The following ASTN2 variants were observed in gnomAD, a reference collection of about 807,000 sequenced individuals.
The protein encoded by ASTN2 is astrotactin 2.
A neutral mutation model predicts 139.8 loss-of-function variants in ASTN2; 54 were observed. The ratio of observed to expected loss-of-function variants is 0.39; its 90% confidence interval spans 0.31 to 0.48. The LOEUF (loss-of-function observed/expected upper bound fraction) is 0.48, where lower values mean the gene tolerates loss of function less well. Ranked by LOEUF, ASTN2 falls within the 20% of genes least tolerant of loss-of-function variation. The pLI is 0.95. For missense variants in ASTN2, 1,565 were observed against 1,725.1 expected, an observed-to-expected ratio of 0.91 and a Z score of 1.64; for synonymous variants, 756 against 719.5, an observed-to-expected ratio of 1.05 and a Z score of -0.81.
chr9:117,075,347 C>T (rs962167149), intron 5 of ASTN2, among the ~76,000 whole-genome samples: 12 of 152,114 alleles, frequency 7.9e-5, no homozygotes, highest in Admixed American at 6.5e-4. Flanking sequence ...CCAAGGCTGG[C>T]GGCCCAGGCT....
intron 17 of ASTN2, among the ~76,000 whole-genome samples, chr9:116,623,773 A>G (rs1303160426): frequency 6.6e-6 from 1 of 152,162 alleles, no homozygotes; most frequent in Admixed American, 6.5e-5. Flanking sequence ...AGGAGCAGGG[A>G]GGGACTTGAA....
intron 3 of ASTN2, among the ~76,000 whole-genome samples, chr9:117,196,786 A>G (rs781764277): frequency 2.0e-5 from 3 of 152,218 alleles, no homozygotes; most frequent in Admixed American, 6.5e-5. Context: ...AAAATTATGC[A>G]TATAAAATGA....
intron 10 of ASTN2, among the ~76,000 whole-genome samples, chr9:116,902,527 TA>T (rs1834039169): frequency 6.6e-6 from 1 of 152,154 alleles, no homozygotes; most frequent in African/African-American, 2.4e-5. Context: ...CAGTATTCAG[TA>T]CAGCAATTTG....
chr9:116,592,955 T>C (rs150974998), intron 19 of ASTN2, among the ~76,000 whole-genome samples: 193 of 152,326 alleles, frequency 1.3e-3, no homozygotes, highest in Middle Eastern at 6.8e-3. Context: ...CAGAATGTCA[T>C]GGTCTAAAAT....
At chr9:116,701,303 T>G (rs986750834) in intron 16 of ASTN2, 4 of 166,796 alleles carry the variant, frequency 2.4e-5, no homozygotes, top group Non-Finnish European at 4.4e-5. Flanking sequence ...TGAACTAGTT[T>G]GTCTTGTTCT....
At chr9:116,540,513 T>C (rs973867096) in intron 19 of ASTN2, 1 of 152,220 alleles carries the variant, frequency 6.6e-6, no homozygotes, top group African/African-American at 2.4e-5. Flanking sequence ...CAAAATGTGT[T>C]CACCACGGCA....
At chr9:116,950,549 G>T (rs1384453920) in intron 10 of ASTN2, among the ~76,000 whole-genome samples, 1 of 152,102 alleles carries the variant, frequency 6.6e-6, no homozygotes, top group Non-Finnish European at 1.5e-5. Flanking sequence ...TTTAAATACT[G>T]AAAGAACATA....
At chr9:117,215,715 C>T (rs904115905) in intron 2 of ASTN2, among the ~76,000 whole-genome samples, 4 of 152,088 alleles carry the variant, frequency 2.6e-5, no homozygotes, top group Non-Finnish European at 4.4e-5. Flanking sequence ...ATTCTCCAGG[C>T]CTCCCCTCAA....
intron 3 of ASTN2, among the ~76,000 whole-genome samples, chr9:117,185,934 T>A (rs987468876): frequency 6.6e-6 from 1 of 152,148 alleles, no homozygotes; most frequent in African/African-American, 2.4e-5. Flanking sequence ...CTGAGACTGT[T>A]TCTGATCATA....
At chr9:117,405,338 G>T (rs1830952529) in intron 1 of ASTN2, among the ~76,000 whole-genome samples, 1 of 152,204 alleles carries the variant, frequency 6.6e-6, no homozygotes, top group Non-Finnish European at 1.5e-5. Context: ...ATCTTGGGTA[G>T]GTTCCTTCAC....
intron 19 of ASTN2, among the ~76,000 whole-genome samples, chr9:116,597,484 C>T (rs1321909592): frequency 6.6e-6 from 1 of 151,512 alleles, no homozygotes; most frequent in Admixed American, 6.6e-5. Flanking sequence ...TAGAGACGGG[C>T]TTTCACCATG....
intron 10 of ASTN2, among the ~76,000 whole-genome samples, chr9:116,953,261 G>GGGGT (rs745446120): frequency 1.4e-4 from 21 of 152,220 alleles, no homozygotes; most frequent in Admixed American, 6.5e-4. Context: ...AAGGTTAAGT[G>GGGGT]GGGTGCCCAA....
intron 5 of ASTN2, among the ~76,000 whole-genome samples, chr9:117,042,103 A>G (rs887072235): frequency 1.3e-5 from 2 of 152,186 alleles, no homozygotes; most frequent in African/African-American, 4.8e-5. Context: ...TGACAGTAAC[A>G]ATATTAAAAA....
intron 4 of ASTN2, among the ~76,000 whole-genome samples, chr9:117,126,688 G>A (rs534572883): frequency 4.4e-4 from 67 of 152,190 alleles, no homozygotes; most frequent in Non-Finnish European, 8.4e-4. Context: ...CTGCAGACTT[G>A]GTGGACAACT....
At chr9:116,795,599 G>T (rs761758518) in intron 13 of ASTN2, among the ~76,000 whole-genome samples, 1 of 152,170 alleles carries the variant, frequency 6.6e-6, no homozygotes, top group Non-Finnish European at 1.5e-5. Context: ...CCTATCCTGG[G>T]CATTTGATGA....
chr9:117,412,533 T>C (rs1246838910), intron 1 of ASTN2, among the ~76,000 whole-genome samples: 1 of 152,112 alleles, frequency 6.6e-6, no homozygotes, highest in Non-Finnish European at 1.5e-5. Context: ...GCAAAGATTG[T>C]CAGTTCCAGG....
chr9:116,492,678 T>C (rs1475825994), intron 19 of ASTN2, among the ~76,000 whole-genome samples: 1 of 152,172 alleles, frequency 6.6e-6, no homozygotes, highest in Non-Finnish European at 1.5e-5. Context: ...GACCACTTTA[T>C]TCAACATGAA....
At chr9:116,868,522 A>T (rs562866329) in intron 10 of ASTN2, among the ~76,000 whole-genome samples, 2 of 152,134 alleles carry the variant, frequency 1.3e-5, no homozygotes, top group South Asian at 2.1e-4. Context: ...TTCTTTGTGT[A>T]CCTCCCACAG....
intron 5 of ASTN2, among the ~76,000 whole-genome samples, chr9:117,054,815 T>C (rs1398611452): frequency 1.3e-5 from 2 of 152,198 alleles, no homozygotes; most frequent in Non-Finnish European, 2.9e-5. Flanking sequence ...CCAACCTTTT[T>C]GGCACCAGGG....
Sources: gnomAD v4.1 joint callset for allele counts (sites outside exome capture counted in the v4.1 genomes callset) on GRCh38, gnomAD v4.1.1 for gene constraint, MANE v1.5 for transcripts, NCBI Gene and HGNC (gene_info 2026-07-23, HGNC 2026-07-21) for gene names.